NRXN3: variants seen among roughly 807,000 people sequenced by gnomAD.
NRXN3 encodes the protein neurexin 3.
In NRXN3, 32 loss-of-function variants were observed where a neutral mutation model predicts 137.6. That is an observed-to-expected ratio of 0.23 (90% CI 0.18 to 0.31). The LOEUF (loss-of-function observed/expected upper bound fraction) is 0.31. Among genes scored for constraint, NRXN3 ranks in the 10% least tolerant of loss-of-function variants. The pLI, the probability that NRXN3 is intolerant of heterozygous loss-of-function variation, is 1.00. For missense variants in NRXN3, 1,574 were observed against 2,062.5 expected, an observed-to-expected ratio of 0.76 and a Z score of 4.59; for synonymous variants, 798 against 784.5, an observed-to-expected ratio of 1.02 and a Z score of -0.29.
intron 15 of NRXN3, among the ~76,000 whole-genome samples, chr14:79,335,812 C>T (rs2092213709): frequency 6.6e-6 from 1 of 152,100 alleles, no homozygotes; most frequent in African/African-American, 2.4e-5. Flanking sequence ...ATGTCTAGAA[C>T]CCCCTTCTAT....
At chr14:79,419,966 A>G (rs560333623) in intron 15 of NRXN3, among the ~76,000 whole-genome samples, 1 of 152,298 alleles carries the variant, frequency 6.6e-6, no homozygotes, top group Admixed American at 6.5e-5. Flanking sequence ...ACTGTCATCA[A>G]TTATTTAGAT....
chr14:78,461,521 C>T (rs548482457), intron 4 of NRXN3, among the ~76,000 whole-genome samples: 32 of 152,236 alleles, frequency 2.1e-4, no homozygotes, highest in African/African-American at 5.1e-4. Flanking sequence ...GATGTTCTCT[C>T]GGTTCTAACC....
At chr14:78,613,973 A>C (rs2097324242) in intron 4 of NRXN3, among the ~76,000 whole-genome samples, 1 of 152,222 alleles carries the variant, frequency 6.6e-6, no homozygotes, top group South Asian at 2.1e-4. Context: ...GAAATAATTG[A>C]TATTCATGAA....
At chr14:78,393,491 A>G (rs2091040695) in intron 4 of NRXN3, among the ~76,000 whole-genome samples, 1 of 152,018 alleles carries the variant, frequency 6.6e-6, no homozygotes, top group Non-Finnish European at 1.5e-5. Context: ...TTTTGCCAGT[A>G]CTCTGAAGTA....
chr14:79,406,367 C>G (rs1330946657), intron 15 of NRXN3, among the ~76,000 whole-genome samples: 1 of 151,248 alleles, frequency 6.6e-6, no homozygotes, highest in East Asian at 2.0e-4. Flanking sequence ...TACAGTGATT[C>G]AATCCTGGCT....
intron 16 of NRXN3, among the ~76,000 whole-genome samples, chr14:79,659,755 T>C (rs968311987): frequency 6.6e-6 from 1 of 152,114 alleles, no homozygotes. Context: ...GAAAGAGAAA[T>C]CAGAAGTAAA....
intron 15 of NRXN3, among the ~76,000 whole-genome samples, chr14:79,077,574 T>A (rs4141948): frequency 3.9e-5 from 6 of 152,082 alleles, no homozygotes; most frequent in Admixed American, 2.6e-4. Context: ...GTGCTTCATA[T>A]GATCCCTGAA....
intron 8 of NRXN3, among the ~76,000 whole-genome samples, chr14:78,784,587 G>A (rs550007748): frequency 3.9e-5 from 6 of 152,334 alleles, no homozygotes; most frequent in Admixed American, 6.5e-5. Flanking sequence ...CAGCCAAGGA[G>A]TATGAAGTTA....
chr14:79,166,358 C>T (rs945916167), intron 15 of NRXN3, among the ~76,000 whole-genome samples: 3 of 151,678 alleles, frequency 2.0e-5, no homozygotes, highest in African/African-American at 7.3e-5. Flanking sequence ...CCTCTTTCCT[C>T]CTATTGTTGC....
chr14:78,675,757 C>A (rs2097997458), intron 6 of NRXN3, among the ~76,000 whole-genome samples: 1 of 152,160 alleles, frequency 6.6e-6, no homozygotes, highest in Non-Finnish European at 1.5e-5. Context: ...AGGCATACCT[C>A]ATTTTATTGC....
chr14:78,801,320 C>CA (rs1026794846), intron 8 of NRXN3, among the ~76,000 whole-genome samples: 18 of 151,016 alleles, frequency 1.2e-4, no homozygotes, highest in South Asian at 4.2e-4. Flanking sequence ...GACTCCGTCT[C>CA]AAAAAAAAGA....
intron 8 of NRXN3, among the ~76,000 whole-genome samples, chr14:78,755,759 C>G (rs2098665322): frequency 6.6e-6 from 1 of 152,198 alleles, no homozygotes; most frequent in East Asian, 1.9e-4. Context: ...TTGCTTCCTT[C>G]CTTACTCAAG....
intron 4 of NRXN3, among the ~76,000 whole-genome samples, chr14:78,635,511 TA>T (rs1251193565): frequency 6.6e-6 from 1 of 152,168 alleles, no homozygotes; most frequent in African/African-American, 2.4e-5. Flanking sequence ...TCATTGTGGA[TA>T]TTTTTCATTA....
intron 15 of NRXN3, among the ~76,000 whole-genome samples, chr14:79,106,105 T>C (rs2052384472): frequency 6.6e-6 from 1 of 152,106 alleles, no homozygotes; most frequent in Non-Finnish European, 1.5e-5. Context: ...TCTCTCCCTA[T>C]TCTGTCTTCT....
chr14:78,861,957 T>C (rs2099073564), intron 10 of NRXN3, among the ~76,000 whole-genome samples: 1 of 152,162 alleles, frequency 6.6e-6, no homozygotes, highest in Non-Finnish European at 1.5e-5. Flanking sequence ...TATTAGGCAC[T>C]CTTTTAGGCA....
chr14:78,553,516 C>T (rs1218171885), intron 4 of NRXN3, among the ~76,000 whole-genome samples: 1 of 152,200 alleles, frequency 6.6e-6, no homozygotes, highest in Non-Finnish European at 1.5e-5. Flanking sequence ...CTAGCCCCAT[C>T]CACCCATCCC....
At chr14:79,599,119 G>C (rs1223487289) in intron 16 of NRXN3, among the ~76,000 whole-genome samples, 2 of 152,014 alleles carry the variant, frequency 1.3e-5, no homozygotes, top group African/African-American at 4.8e-5. Context: ...TTTGAAAACT[G>C]GGCCATCATT....
chr14:78,534,857 A>AT (rs1163988204), intron 4 of NRXN3, among the ~76,000 whole-genome samples: 1 of 152,130 alleles, frequency 6.6e-6, no homozygotes, highest in Non-Finnish European at 1.5e-5. Context: ...TTTGTGCAGT[A>AT]TTTTTTGCAA....
At chr14:78,504,526 G>A (rs1022171874) in intron 4 of NRXN3, among the ~76,000 whole-genome samples, 11 of 152,150 alleles carry the variant, frequency 7.2e-5, no homozygotes, top group African/African-American at 2.2e-4. Flanking sequence ...TGGTGTGTAT[G>A]CTGTGTCTCT....
Sources: allele counts gnomAD v4.1 joint callset (sites outside exome capture counted in the v4.1 genomes callset), GRCh38; gene constraint gnomAD v4.1.1; transcripts MANE v1.5; gene names NCBI Gene and HGNC (gene_info 2026-07-23, HGNC 2026-07-21).